The following HM13 variants were observed in gnomAD, a reference collection of about 807,000 sequenced individuals.
The protein encoded by HM13 is histocompatibility minor 13.
A neutral mutation model predicts 50.0 loss-of-function variants in HM13; 18 were observed. That is an observed-to-expected ratio of 0.36 (90% confidence interval 0.25 to 0.53). The LOEUF is 0.53. HM13 is among the 20% of genes least tolerant of loss of function. The pLI is 0.90. For synonymous variants in HM13, 197 were observed against 232.6 expected, an observed-to-expected ratio of 0.85 and a Z score of 1.39; for missense variants, 393 against 552.4, an observed-to-expected ratio of 0.71 and a Z score of 2.89.
chr20:31,529,681 C>T (rs1158664962), intron 2 of HM13, among the ~76,000 whole-genome samples: 1 of 152,026 alleles, frequency 6.6e-6, no homozygotes, highest in African/African-American at 2.4e-5. Flanking sequence ...TTTGGGAAGC[C>T]GAGGTGGGTG....
intron 1 of HM13, among the ~76,000 whole-genome samples, chr20:31,524,064 A>G (rs953436683): frequency 1.3e-5 from 2 of 152,038 alleles, no homozygotes; most frequent in Non-Finnish European, 2.9e-5. Context: ...TTCGCATCCC[A>G]TATCTTATTT....
chr20:31,540,007 G>A (rs1983345810), intron 3 of HM13: 1 of 152,238 alleles, frequency 6.6e-6, no homozygotes, highest in Non-Finnish European at 1.5e-5. Context: ...TCAGAGGTGT[G>A]GGGAGGGTCT....
intron 1 of HM13, among the ~76,000 whole-genome samples, chr20:31,522,228 A>G (rs554268637): frequency 6.6e-6 from 1 of 152,256 alleles, no homozygotes; most frequent in South Asian, 2.1e-4. Flanking sequence ...GCATGTGCAT[A>G]TCTTTCTGCC....
intron 3 of HM13, among the ~76,000 whole-genome samples, chr20:31,543,324 C>T (rs111865528): frequency 6.6e-6 from 1 of 152,236 alleles, no homozygotes; most frequent in African/African-American, 2.4e-5. Flanking sequence ...CTCGCTGTGT[C>T]GCCCAGGCTG....
intron 8 of HM13, among the ~76,000 whole-genome samples, chr20:31,556,538 G>A (rs928828515): frequency 6.6e-6 from 1 of 152,158 alleles, no homozygotes; most frequent in South Asian, 2.1e-4. Flanking sequence ...GGAAACTGAA[G>A]CTCAGAAGTA....
intron 2 of HM13, among the ~76,000 whole-genome samples, chr20:31,535,064 T>G (rs1207012445): frequency 1.3e-5 from 2 of 148,798 alleles, no homozygotes; most frequent in East Asian, 2.0e-4. Context: ...CCAGCCTTGG[T>G]GACAGAGCAA....
intron 7 of HM13, among the ~76,000 whole-genome samples, chr20:31,553,335 C>T (rs1461534714): frequency 6.6e-6 from 1 of 152,024 alleles, no homozygotes; most frequent in African/African-American, 2.4e-5. Context: ...AGCTGACCCC[C>T]TACCTGCAAG....
At chr20:31,550,182 C>T (rs769880257) in intron 7 of HM13, 61 bp downstream of exon 7, 4 of 1,198,220 alleles carry the variant, frequency 3.3e-6, no homozygotes, top group Admixed American at 1.7e-5. Context: ...CATGCCCCCA[C>T]AGCCCGTTTC....
intron 10 of HM13, among the ~76,000 whole-genome samples, chr20:31,565,248 G>A (rs926188366): frequency 8.5e-5 from 13 of 152,058 alleles, no homozygotes; most frequent in East Asian, 7.7e-4. Context: ...GGAGGCCGAG[G>A]CAGGTGGATC....
intron 8 of HM13, among the ~76,000 whole-genome samples, chr20:31,559,125 C>T (rs572821029): frequency 6.6e-6 from 1 of 152,174 alleles, no homozygotes; most frequent in East Asian, 1.9e-4. Context: ...GCCATGTTGG[C>T]CAGGATGGTC....
At chr20:31,531,542 G>T (rs1034031827) in intron 2 of HM13, among the ~76,000 whole-genome samples, 2 of 152,002 alleles carry the variant, frequency 1.3e-5, no homozygotes, top group Admixed American at 6.6e-5. Context: ...GACTATAGAC[G>T]TATGTCATTA....
chr20:31,561,770 C>T (rs1296637924), intron 10 of HM13, 34 bp downstream of exon 10: 2 of 1,405,098 alleles, frequency 1.4e-6, no homozygotes, highest in Admixed American at 3.3e-5. Flanking sequence ...TCAGGAATGC[C>T]TCACTGCAAA....
At chr20:31,547,567 A>AT in intron 4 of HM13, 1 of 1,188,222 alleles carries the variant, frequency 8.4e-7, no homozygotes, top group Non-Finnish European at 1.2e-6. Flanking sequence ...AACGTCAGTT[A>AT]TTAAGGGCAT....
chr20:31,518,908 G>A (rs1044495085), intron 1 of HM13, among the ~76,000 whole-genome samples: 3 of 151,852 alleles, frequency 2.0e-5, no homozygotes. Flanking sequence ...TTTATGGTGG[G>A]GAGGGTAGGT....
chr20:31,545,073 G>C (rs529140118), intron 4 of HM13, 38 bp downstream of exon 4: 1 of 1,499,462 alleles, frequency 6.7e-7, no homozygotes. Flanking sequence ...TGTGCCTTGG[G>C]TGTCTTCCTC....
chr20:31,537,781 G>A (rs1191783952), intron 2 of HM13, among the ~76,000 whole-genome samples: 1 of 152,176 alleles, frequency 6.6e-6, no homozygotes, highest in Non-Finnish European at 1.5e-5. Flanking sequence ...CTCTGTAGGG[G>A]ATCCCTGGAT....
intron 9 of HM13, among the ~76,000 whole-genome samples, chr20:31,561,421 G>T (rs1348334251): frequency 6.6e-6 from 1 of 152,168 alleles, no homozygotes; most frequent in Non-Finnish European, 1.5e-5. Context: ...TTTTGCAGAT[G>T]AGTAAACTGA....
intron 1 of HM13, among the ~76,000 whole-genome samples, chr20:31,520,944 C>T (rs1298226222): frequency 6.6e-6 from 1 of 152,190 alleles, no homozygotes; most frequent in East Asian, 1.9e-4. Flanking sequence ...TTGAAGCAGG[C>T]ATCTGTCCTC....
At chr20:31,549,981 C>A in intron 6 of HM13, 83 bp from the exon 7 acceptor site, 1 of 1,008,240 alleles carries the variant, frequency 9.9e-7, no homozygotes, top group Non-Finnish European at 1.6e-6. Flanking sequence ...CAGGCAGCAG[C>A]ACATCTAGAA....
Sources: allele counts gnomAD v4.1 joint callset (sites outside exome capture counted in the v4.1 genomes callset), GRCh38; gene constraint gnomAD v4.1.1; transcripts MANE v1.5; gene names NCBI Gene and HGNC (gene_info 2026-07-23, HGNC 2026-07-21).